The following RAI14 variants were observed in gnomAD, a reference collection of about 807,000 sequenced individuals.
The protein encoded by RAI14 is ankycorbin.
A neutral mutation model predicts 115.4 loss-of-function variants in RAI14; 45 were observed. The observed-to-expected ratio is 0.39, with a 90% CI of 0.31 to 0.50. The LOEUF (loss-of-function observed/expected upper bound fraction) is 0.50. RAI14 is among the 20% of genes least tolerant of loss of function. The pLI, the probability that RAI14 is intolerant of heterozygous loss-of-function variation, is 0.85. For synonymous variants in RAI14, 371 were observed against 415.4 expected, an observed-to-expected ratio of 0.89 and a Z score of 1.30; for missense variants, 939 against 1,131.2, an observed-to-expected ratio of 0.83 and a Z score of 2.44.
At chr5:34,728,958 T>C (rs1040582093) in intron 2 of RAI14, among the ~76,000 whole-genome samples, 6 of 151,968 alleles carry the variant, frequency 3.9e-5, no homozygotes, top group Non-Finnish European at 7.4e-5. Flanking sequence ...CACTGAAATA[T>C]TGAGAGTTGA....
chr5:34,657,894 G>A lies in RAI14; in HGVS notation c.-49+1419G>A, dbSNP rs546373677. On this transcript the variant is annotated intron_variant, in intron 1 of 17. Coordinates refer to ENST00000265109, the MANE Select transcript of RAI14 (RefSeq NM_015577.3). ...CAGGTCCCTGTTCGCCCTGTGGCTC[G>A]GAATTTTATTACTGATGTATATAAT... 4.3e-4 allele frequency among the ~76,000 whole-genome samples: 66 copies of A among 152,332 alleles called. No individual in the cohort carries two copies. In the South Asian group the frequency reaches 0.013, roughly 31 times the overall value.
chr5:34,792,979 A>C (rs1753103523), intron 3 of RAI14, among the ~76,000 whole-genome samples: 2 of 152,232 alleles, frequency 1.3e-5, no homozygotes, highest in Admixed American at 1.3e-4. Context: ...TTATTGATCT[A>C]AACTCTCAAT....
At chr5:34,752,685 T>G (rs1747193861) in intron 2 of RAI14, among the ~76,000 whole-genome samples, 1 of 148,856 alleles carries the variant, frequency 6.7e-6, no homozygotes, top group Non-Finnish European at 1.5e-5. Flanking sequence ...GTAAGAAATA[T>G]CTATATTTCT....
intron 3 of RAI14, among the ~76,000 whole-genome samples, chr5:34,788,463 C>T (rs182013569): frequency 1.1e-3 from 174 of 152,230 alleles, no homozygotes; most frequent in African/African-American, 3.7e-3. Context: ...TGCTAAAAGC[C>T]GAGCTCCATA....
intron 1 of RAI14, chr5:34,685,563 A>G (rs1744775770): frequency 6.9e-6 from 1 of 145,128 alleles, no homozygotes; most frequent in African/African-American, 2.6e-5. Flanking sequence ...CCCCCAAACT[A>G]TTGAAATTAA....
chr5:34,714,552 T>C (rs1396081754), intron 2 of RAI14, among the ~76,000 whole-genome samples: 3 of 152,130 alleles, frequency 2.0e-5, no homozygotes, highest in Non-Finnish European at 2.9e-5. Context: ...CCAATATAAG[T>C]AAGAAATCTA....
At chr5:34,728,701 C>T (rs933667226) in intron 2 of RAI14, 3 of 151,794 alleles carry the variant, frequency 2.0e-5, no homozygotes, top group African/African-American at 7.3e-5. Flanking sequence ...ATTACCCAGT[C>T]GTGGGTATAT....
chr5:34,806,853 G>A (rs1754964020), intron 5 of RAI14, among the ~76,000 whole-genome samples: 2 of 152,182 alleles, frequency 1.3e-5, no homozygotes, highest in African/African-American at 4.8e-5. Context: ...CAACTTTTGT[G>A]TATGAGTAAG....
At chr5:34,792,762 T>C (rs1753081360) in intron 3 of RAI14, among the ~76,000 whole-genome samples, 1 of 152,222 alleles carries the variant, frequency 6.6e-6, no homozygotes, top group African/African-American at 2.4e-5. Context: ...TATCTATCCT[T>C]ATAGAATGAG....
At chr5:34,810,212 T>G (rs1755416946) in intron 7 of RAI14, among the ~76,000 whole-genome samples, 1 of 152,170 alleles carries the variant, frequency 6.6e-6, no homozygotes, top group Non-Finnish European at 1.5e-5. Flanking sequence ...ACCTTAAAAC[T>G]CACTGTCGAT....
chr5:34,716,802 G>A (rs1005028034), intron 2 of RAI14: 1 of 152,108 alleles, frequency 6.6e-6, no homozygotes, highest in African/African-American at 2.4e-5. Flanking sequence ...TTTCTTCTTT[G>A]AGAGGAAAGG....
chr5:34,720,837 A>G (rs58567046), intron 2 of RAI14, among the ~76,000 whole-genome samples: 3,112 of 152,144 alleles, frequency 0.02, 103 homozygotes, highest in African/African-American at 0.071. Context: ...ATTCACATGT[A>G]AAGTTCTGGC....
intron 1 of RAI14, among the ~76,000 whole-genome samples, chr5:34,669,325 C>G (rs941232570): frequency 6.6e-6 from 1 of 152,238 alleles, no homozygotes; most frequent in Admixed American, 6.5e-5. Context: ...CCCGGCCAAT[C>G]TGTTGATGGC....
rs372822408 is a variant in RAI14, at chr5:34,762,534, T to TA, written c.167+4945dup. Among the ~76,000 whole-genome samples the TA allele has an allele frequency of 3.3e-3, 495 of 151,168 alleles. 2 individuals are homozygous for TA. The highest frequency in any genetic ancestry group is 0.011 in the African/African-American group (460 of 41,248). ...CCTCTAAGACTGATCAAAGAGGGGT[T>TA]AAAAAAAAAGTAAAAGCAATTGAAT... is the stretch of plus-strand genomic sequence containing the variant. On this transcript the variant is annotated intron_variant, in intron 3 of 17. Coordinates refer to ENST00000265109, the MANE Select transcript of RAI14 (RefSeq NM_015577.3).
At chr5:34,675,719 C>T (rs1288838081) in intron 1 of RAI14, among the ~76,000 whole-genome samples, 2 of 151,774 alleles carry the variant, frequency 1.3e-5, no homozygotes, top group Non-Finnish European at 2.9e-5. Flanking sequence ...CCACTACACT[C>T]CAGCCTGGGC....
chr5:34,767,220 C>T (rs931131756), intron 3 of RAI14, among the ~76,000 whole-genome samples: 13 of 152,146 alleles, frequency 8.5e-5, no homozygotes, highest in African/African-American at 2.9e-4. Flanking sequence ...GGATTTTAGA[C>T]ACTTAAATGG....
intron 8 of RAI14, among the ~76,000 whole-genome samples, 184 bp from the exon 9 acceptor site, chr5:34,811,582 TA>T (rs35087500): frequency 0.064 from 9,294 of 145,838 alleles, 387 homozygotes; most frequent in African/African-American, 0.13. Context: ...ATCTGAAGTT[TA>T]AAAAAAAAAA....
At chr5:34,697,137 T>A (rs983704903) in intron 2 of RAI14, among the ~76,000 whole-genome samples, 14 of 145,856 alleles carry the variant, frequency 9.6e-5, no homozygotes, top group East Asian at 4.1e-4. Flanking sequence ...TCTCAAAAAA[T>A]AATAATAATA....
intron 15 of RAI14, 42 bp downstream of exon 15, chr5:34,824,533 C>A: frequency 6.9e-7 from 1 of 1,448,782 alleles, no homozygotes; most frequent in Non-Finnish European, 9.2e-7. Context: ...AGCAATAAGT[C>A]TTAGTCTCTT....
Sources: allele counts gnomAD v4.1 joint callset (sites outside exome capture counted in the v4.1 genomes callset), GRCh38; gene constraint gnomAD v4.1.1; transcripts MANE v1.5; gene names NCBI Gene and HGNC (gene_info 2026-07-23, HGNC 2026-07-21).